MCM8: variants seen among roughly 807,000 people sequenced by gnomAD.
MCM8 encodes minichromosome maintenance 8 homologous recombination repair factor.
MCM8 carries 85 observed loss-of-function variants against 98.9 expected under a neutral mutation model. The ratio of observed to expected loss-of-function variants is 0.86; its 90% CI spans 0.72 to 1.03. The LOEUF (loss-of-function observed/expected upper bound fraction) is 1.03. Among genes scored for constraint, MCM8 ranks in the 50% least tolerant of loss-of-function variants. The pLI is 0.00. For missense variants in MCM8, 951 were observed against 997.8 expected, an observed-to-expected ratio of 0.95 and a Z score of 0.63; for synonymous variants, 352 against 338.6, an observed-to-expected ratio of 1.04 and a Z score of -0.44.
At chr20:5,971,645 AG>A (rs1455978099) in intron 10 of MCM8, among the ~76,000 whole-genome samples, 6 of 152,214 alleles carry the variant, frequency 3.9e-5, no homozygotes, top group Non-Finnish European at 8.8e-5. Context: ...TTGGCTGCAC[AG>A]TCTCAAGATG....
chr20:5,953,778 CT>C (rs11479606), intron 3 of MCM8, among the ~76,000 whole-genome samples: 4,130 of 147,768 alleles, frequency 0.028, 134 homozygotes, highest in African/African-American at 0.079. Flanking sequence ...CAGCCGCATA[CT>C]TTTTTTTTTT....
At chr20:5,955,038 G>C (rs149678129) in intron 4 of MCM8, 64 bp from the exon 5 acceptor site, 2 of 1,100,406 alleles carry the variant, frequency 1.8e-6, no homozygotes, top group African/African-American at 3.2e-5. Flanking sequence ...ATAATAGAAT[G>C]CTCAGTTAAT....
At chr20:5,958,411 T>C in intron 6 of MCM8, 117 bp from the exon 7 acceptor site, 1 of 746,752 alleles carries the variant, frequency 1.3e-6, no homozygotes. Flanking sequence ...CTTGTGATAT[T>C]TCTGATATAT....
chr20:5,977,084 T>A (rs2089526568), intron 12 of MCM8, among the ~76,000 whole-genome samples: 3 of 152,224 alleles, frequency 2.0e-5, no homozygotes, highest in Admixed American at 2.0e-4. Flanking sequence ...ATAAGGTTTC[T>A]CAGAAAGACT....
chr20:5,952,338 A>G (rs1192862421), intron 2 of MCM8, 86 bp from the exon 3 acceptor site: 35 of 1,560,886 alleles, frequency 2.2e-5, no homozygotes, highest in South Asian at 1.1e-5. Context: ...TGGATACTCT[A>G]TTAATGAGAG....
chr20:5,973,818 C>CTTGG (rs1234922648), intron 12 of MCM8, among the ~76,000 whole-genome samples: 1 of 152,102 alleles, frequency 6.6e-6, no homozygotes, highest in African/African-American at 2.4e-5. Flanking sequence ...CCACGCCCAG[C>CTTGG]TAATTTTTGT....
At chr20:5,963,436 T>G in intron 8 of MCM8, 77 bp downstream of exon 8, 1 of 1,034,600 alleles carries the variant, frequency 9.7e-7, no homozygotes, top group Non-Finnish European at 1.5e-6. Flanking sequence ...TTTACTGTAT[T>G]ATATTGTACG....
intron 17 of MCM8, among the ~76,000 whole-genome samples, chr20:5,991,937 A>T (rs1243122032): frequency 6.6e-6 from 1 of 152,202 alleles, no homozygotes; most frequent in Non-Finnish European, 1.5e-5. Context: ...ATTACATTTT[A>T]ACTGGGAAGC....
chr20:5,963,144 G>A, intron 7 of MCM8, 130 bp from the exon 8 acceptor site: 1 of 666,630 alleles, frequency 1.5e-6, no homozygotes, highest in Admixed American at 2.4e-5. Context: ...TCTCTCAGTG[G>A]ATTTTACTTT....
chr20:5,965,476 T>C (rs2089255327), intron 8 of MCM8: 1 of 152,194 alleles, frequency 6.6e-6, no homozygotes, highest in South Asian at 2.1e-4. Flanking sequence ...GTCCTTATTA[T>C]GGCGGTCCTT....
intron 12 of MCM8, among the ~76,000 whole-genome samples, chr20:5,974,728 A>G (rs1164780637): frequency 2.0e-5 from 3 of 152,228 alleles, no homozygotes; most frequent in Non-Finnish European, 4.4e-5. Context: ...TTGTCATTAC[A>G]TTATAAACCC....
intron 5 of MCM8, among the ~76,000 whole-genome samples, chr20:5,956,683 T>C (rs145711093): frequency 0.024 from 3,667 of 152,290 alleles, 131 homozygotes; most frequent in African/African-American, 0.077. Flanking sequence ...TGTGAGCCAC[T>C]GCGCCCAGCG....
chr20:5,989,830 G>C (rs554556135), intron 17 of MCM8, among the ~76,000 whole-genome samples: 1 of 152,266 alleles, frequency 6.6e-6, no homozygotes, highest in African/African-American at 2.4e-5. Context: ...TGGAAGAAGA[G>C]GAACCTTTCT....
chr20:5,952,007 T>C lies in MCM8; in HGVS notation c.-5-4T>C. The stretch of plus-strand genomic sequence containing the variant: ...TGAAGACCTTTTTAATATCTATCTT[T>C]TAGGAGAGATGAATGGAGAGTATAG... On this transcript the variant is annotated splice_polypyrimidine_tract_variant and splice_region_variant and intron_variant, in intron 1 of 18. Coordinates refer to ENST00000610722, the MANE Select transcript of MCM8 (RefSeq NM_032485.6). 1.9e-6 allele frequency: 3 copies of C among 1,608,590 alleles called. No individual in the cohort carries two copies. The highest frequency in any genetic ancestry group is 2.5e-6 in the Non-Finnish European group (3 of 1,177,726).
In MCM8 at chr20:5,994,752, AT is replaced by A; in HGVS notation, c.*364del. 8.9e-6 allele frequency: 4 copies of A among 449,524 alleles called. No homozygotes were observed. The highest frequency in any genetic ancestry group is 1.8e-5 in the Non-Finnish European group (4 of 225,426). 27.8% of individuals were successfully genotyped at this position (449,524 alleles called of 1,614,324 possible). A position where few individuals can be genotyped will look rare whatever the true frequency, so the allele number is the denominator to read the frequency against. Reference sequence around the variant, plus strand: ...CATTTCTTAAAAAAAAAAAAAAAAAATTTAAACTTAGCTGGGTATGGTGGCA... The same window carrying A: ...CATTTCTTAAAAAAAAAAAAAAAAAATTAAACTTAGCTGGGTATGGTGGCA... On this transcript the variant is annotated 3_prime_UTR_variant, in exon 19 of 19. Transcript: ENST00000610722.
At chr20:5,957,339 G>A (rs146121619) in intron 6 of MCM8, 110 bp downstream of exon 6, 10 of 662,124 alleles carry the variant, frequency 1.5e-5, no homozygotes, top group African/African-American at 1.1e-4. Flanking sequence ...AAGGACATGA[G>A]TTCCTTGCCA....
At chr20:5,952,335 T>C in intron 2 of MCM8, 89 bp from the exon 3 acceptor site, 1 of 1,560,176 alleles carries the variant, frequency 6.4e-7, no homozygotes, top group Non-Finnish European at 8.7e-7. Flanking sequence ...ATTTGGATAC[T>C]CTATTAATGA....
chr20:5,970,807 C>A (rs2122735018), intron 10 of MCM8, among the ~76,000 whole-genome samples: 1 of 152,132 alleles, frequency 6.6e-6, no homozygotes, highest in South Asian at 2.1e-4. Flanking sequence ...GTTTTATATT[C>A]TTTCTCTTAA....
chr20:5,981,600 CAAG>C (rs2089631623), intron 13 of MCM8, among the ~76,000 whole-genome samples: 1 of 151,932 alleles, frequency 6.6e-6, no homozygotes, highest in African/African-American at 2.4e-5. Context: ...AGCGTATTGA[CAAG>C]AATTCATATA....
Sources: allele counts gnomAD v4.1 joint callset (sites outside exome capture counted in the v4.1 genomes callset), GRCh38; gene constraint gnomAD v4.1.1; transcripts MANE v1.5; gene names NCBI Gene and HGNC (gene_info 2026-07-23, HGNC 2026-07-21).